CKAP5: variants seen among roughly 807,000 people sequenced by gnomAD.
CKAP5 encodes the protein cytoskeleton associated protein 5.
In CKAP5, 27 loss-of-function variants were observed where a neutral mutation model predicts 232.8. The observed-to-expected ratio is 0.12, with a 90% CI of 0.09 to 0.16. CKAP5 has a LOEUF of 0.16. Among genes scored for constraint, CKAP5 ranks in the 10% least tolerant of loss-of-function variants. The pLI, the probability that CKAP5 is intolerant of heterozygous loss-of-function variation, is 1.00. For missense variants in CKAP5, 1,838 were observed against 2,424.7 expected, an observed-to-expected ratio of 0.76 and a Z score of 5.08; for synonymous variants, 785 against 841.1, an observed-to-expected ratio of 0.93 and a Z score of 1.16.
chr11:46,802,119 T>A (rs1363636076), intron 8 of CKAP5: 1 of 152,206 alleles, frequency 6.6e-6, no homozygotes. Context: ...ACCATTCTTC[T>A]GAGGGAGCTT....
rs2065137280 is a variant in CKAP5, at chr11:46,759,306, C to T, written c.4531G>A (p.Asp1511Asn). The T allele has an allele frequency of 6.2e-7, 1 of 1,613,774 alleles. No individual in the cohort carries two copies. Among genetic ancestry groups the T allele is most frequent in the Admixed American group, 1.7e-5 (1 of 59,922 alleles). ...ATAAGGACTGGCTCAAAAATGTCATCCAGTTTGTGCTGAACAAGTTCTGGC... is the reference window on the plus strand; with the variant it reads ...ATAAGGACTGGCTCAAAAATGTCATTCAGTTTGTGCTGAACAAGTTCTGGC... ...EMPELVQHKL[D>N]DIFEPVLIPE... Residue 1511 changes from aspartate to asparagine, a missense_variant, in exon 34 of 44, where the codon GAT becomes AAT. By Grantham distance (23) the Asp-to-Asn change is conservative (BLOSUM62 1). This residue lies in a region of CKAP5 where 579 missense variants were observed against 843.2 expected (regional missense o/e 0.69). Coordinates refer to ENST00000529230, the MANE Select transcript of CKAP5 (RefSeq NM_001008938.4).
intron 4 of CKAP5, among the ~76,000 whole-genome samples, chr11:46,811,649 G>C (rs1373561652): frequency 6.6e-6 from 1 of 151,942 alleles, no homozygotes; most frequent in Non-Finnish European, 1.5e-5. Context: ...GCAAATTTTT[G>C]TATTTTTAGT....
chr11:46,789,937 T>C (rs555464284), intron 15 of CKAP5, 139 bp downstream of exon 15: 68 of 555,036 alleles, frequency 1.2e-4, no homozygotes, highest in African/African-American at 1.2e-3. Flanking sequence ...AAATAAAAAG[T>C]CCCACCTCAT....
intron 27 of CKAP5, among the ~76,000 whole-genome samples, chr11:46,765,585 C>T (rs1212877069): frequency 6.8e-6 from 1 of 146,540 alleles, no homozygotes; most frequent in African/African-American, 2.5e-5. Flanking sequence ...TATAGCTTTC[C>T]ATATTAATGA....
chr11:46,831,412 G>C (rs1183490701), intron 1 of CKAP5, among the ~76,000 whole-genome samples: 1 of 152,096 alleles, frequency 6.6e-6, no homozygotes, highest in Non-Finnish European at 1.5e-5. Flanking sequence ...TTGTATACAT[G>C]ATATCTCCTT....
At chr11:46,761,248 C>CAAAA (rs59147777) in intron 32 of CKAP5, among the ~76,000 whole-genome samples, 3 of 85,332 alleles carry the variant, frequency 3.5e-5, no homozygotes, top group Non-Finnish European at 7.4e-5. Flanking sequence ...GACCCTGTCT[C>CAAAA]AAAAAAAAAA....
In CKAP5 at chr11:46,811,013, A is replaced by G; in HGVS notation, c.624T>C (p.Ser208=). The change falls in exon 5 of 44, where the codon TCT becomes TCC. Residue 208 remains serine (S), a synonymous_variant. Coordinates refer to ENST00000529230, the MANE Select transcript of CKAP5 (RefSeq NM_001008938.4). Reference sequence around the variant, plus strand: ...AGAAAACTTTTTGTCTCACCTGAACAGAGTTTATATTTTGTAATGGGGGTC... The same window carrying G: ...AGAAAACTTTTTGTCTCACCTGAACGGAGTTTATATTTTGTAATGGGGGTC... ...ALRPPLQNIN[S]VQLKELEEEW... is the part of the protein sequence containing the mutation. The G allele has an allele frequency of 1.2e-6, 2 of 1,608,798 alleles. No individual in the cohort carries two copies. The highest frequency in any genetic ancestry group is 1.7e-6 in the Non-Finnish European group (2 of 1,178,170).
chr11:46,803,677 C>T (rs1426771258), intron 8 of CKAP5, among the ~76,000 whole-genome samples: 1 of 152,106 alleles, frequency 6.6e-6, no homozygotes, highest in Non-Finnish European at 1.5e-5. Context: ...GTTTTTGCTC[C>T]TTTTATTAAG....
rs537932924 is a variant in CKAP5, at chr11:46,761,947, G to A, written c.4221+53C>T. The A allele has an allele frequency of 4.8e-6, 7 of 1,453,172 alleles. No individual in the cohort carries two copies. The African/African-American group carries it at 7.0e-5, about 14-fold the overall frequency. 90.0% of individuals were successfully genotyped at this position (1,453,172 alleles called of 1,614,324 possible). A position where few individuals can be genotyped will look rare whatever the true frequency, so the allele number is the denominator to read the frequency against. ...AGGACAGGAAACCTAACACCTAGGA[G>A]ATCTTGCAATTCTTTTCACGACATG... On this transcript the variant is annotated intron_variant, in intron 32 of 43. Transcript: ENST00000529230.
Position 46,790,198 on chromosome 11 carries a change from A to G in CKAP5, c.1765-12T>C. ...TCACATACTTCTATCTGTAAGATAC[A>G]AAAACATATTAGAATTAGGAATTGC... On this transcript the variant is annotated splice_polypyrimidine_tract_variant and intron_variant, in intron 14 of 43. Coordinates refer to ENST00000529230, the MANE Select transcript of CKAP5 (RefSeq NM_001008938.4). 1 of 1,544,062 alleles carries G rather than the reference A, an allele frequency of 6.5e-7. No individual in the cohort carries two copies. Among genetic ancestry groups the G allele is most frequent in the Non-Finnish European group, 8.9e-7 (1 of 1,121,714 alleles).
intron 1 of CKAP5, among the ~76,000 whole-genome samples, chr11:46,831,222 G>GT (rs1231447640): frequency 1.3e-5 from 2 of 151,912 alleles, no homozygotes; most frequent in Non-Finnish European, 2.9e-5. Context: ...TAATGTTTTT[G>GT]TATTTTTTAT....
chr11:46,771,525 T>C (rs2065247896), intron 24 of CKAP5, among the ~76,000 whole-genome samples: 2 of 152,200 alleles, frequency 1.3e-5, no homozygotes, highest in Admixed American at 1.3e-4. Flanking sequence ...GCACAATTCC[T>C]TGGAGATTTA....
chr11:46,746,855 G>A (rs12574512), intron 42 of CKAP5, among the ~76,000 whole-genome samples: 21,157 of 152,236 alleles, frequency 0.14, 2,473 homozygotes, highest in East Asian at 0.6. Context: ...AGCTGGGTAT[G>A]GTGGCTCACA....
At chr11:46,770,362 T>C (rs2134605518) in intron 25 of CKAP5, 1 of 420,272 alleles carries the variant, frequency 2.4e-6, no homozygotes, top group Non-Finnish European at 4.2e-6. Context: ...ATTTTATTTT[T>C]GCTTGTTACG....
chr11:46,834,519 CAAAAAA>C (rs35792132), intron 1 of CKAP5, among the ~76,000 whole-genome samples: 1 of 53,576 alleles, frequency 1.9e-5, no homozygotes, highest in Non-Finnish European at 3.7e-5. Flanking sequence ...AACTCCATCT[CAAAAAA>C]AAAAAAAAAA....
At chr11:46,780,067 A>T (rs2065326386) in intron 20 of CKAP5, 127 bp downstream of exon 20, 19 of 998,880 alleles carry the variant, frequency 1.9e-5, no homozygotes, top group Middle Eastern at 3.2e-4. Flanking sequence ...ATCTGCACTT[A>T]AGCAATCCTC....
At position 46,784,573 on chromosome 11, in the gene CKAP5, A is replaced by G. The variant is rs1156739726; in HGVS notation, c.2069T>C (p.Ile690Thr). 7 of 1,613,976 alleles carry G rather than the reference A, an allele frequency of 4.3e-6. No homozygotes were observed. The highest frequency in any genetic ancestry group is 1.3e-5 in the African/African-American group (1 of 74,920). Residue 690 changes from isoleucine (I) to threonine (T), a missense_variant, in exon 17 of 44, where the codon ATT (isoleucine) becomes ACT (threonine). Ile to Thr is a moderately conservative substitution (Grantham distance 89). Transcript: ENST00000529230. ...QVVLDGLVDKIGDVKCGNNAK... is the reference protein window; with the variant it reads ...QVVLDGLVDKTGDVKCGNNAK... Reference sequence around the variant, plus strand: ...ATTGTTCCCACATTTCACATCTCCAATCTTGTCCACAAGGCCATCTAATAC... The same window carrying G: ...ATTGTTCCCACATTTCACATCTCCAGTCTTGTCCACAAGGCCATCTAATAC...
Position 46,842,170 on chromosome 11 carries a change from A to T in CKAP5, c.-38+4050T>A, listed in dbSNP as rs572731047. Among the ~76,000 whole-genome samples, 13 of 152,316 alleles carry T rather than the reference A, an allele frequency of 8.5e-5. No individual in the cohort carries two copies. In the South Asian group the frequency reaches 2.7e-3, roughly 32 times the overall value. ...TAACCTCAAAGCTGTCCCTCAAGGG[A>T]AAAATGTATGCCGGGACAACAGAAA... is the stretch of plus-strand genomic sequence containing the variant. On this transcript the variant is annotated intron_variant, in intron 1 of 43. Transcript: ENST00000529230.
intron 1 of CKAP5, among the ~76,000 whole-genome samples, chr11:46,842,540 C>G (rs933202878): frequency 1.3e-5 from 2 of 152,080 alleles, no homozygotes; most frequent in African/African-American, 4.8e-5. Context: ...GTTCGAGAAG[C>G]CTTATCAAAT....
Sources: allele counts gnomAD v4.1 joint callset (sites outside exome capture counted in the v4.1 genomes callset), GRCh38; gene constraint gnomAD v4.1.1; regional missense constraint gnomAD v4.1.1; transcripts MANE v1.5; gene names NCBI Gene and HGNC (gene_info 2026-07-23, HGNC 2026-07-21).